Variants in RAF1 observed in about 807,000 individuals in gnomAD.
The protein encoded by RAF1 is Raf-1 proto-oncogene, serine/threonine kinase, also known as RAF proto-oncogene serine/threonine-protein kinase.
RAF1 carries 27 observed loss-of-function variants against 81.1 expected under a neutral mutation model. That is an observed-to-expected ratio of 0.33 (90% confidence interval 0.25 to 0.46). The LOEUF is 0.46. RAF1 is among the 20% of genes least tolerant of loss of function. The probability of loss-of-function intolerance (pLI) is 1.00; values close to 1 mark genes in which losing one functional copy is unlikely to be tolerated. For missense variants in RAF1, 598 were observed against 826.0 expected, an observed-to-expected ratio of 0.72 and a Z score of 3.38; for synonymous variants, 298 against 294.0, an observed-to-expected ratio of 1.01 and a Z score of -0.14.
intron 8 of RAF1, among the ~76,000 whole-genome samples, chr3:12,603,194 C>T (rs1184434586): frequency 2.0e-5 from 3 of 152,164 alleles, no homozygotes; most frequent in Non-Finnish European, 4.4e-5. Context: ...CTGCCTTAGC[C>T]TCTGGAGTAG....
At chr3:12,623,837 T>C (rs1182192847) in intron 1 of RAF1, among the ~76,000 whole-genome samples, 1 of 142,120 alleles carries the variant, frequency 7.0e-6, no homozygotes, top group Non-Finnish European at 1.5e-5. Flanking sequence ...GCTAAGTTAA[T>C]GTTTCCTAAC....
At chr3:12,598,930 T>G (rs12632253) in intron 11 of RAF1, among the ~76,000 whole-genome samples, 1 of 152,124 alleles carries the variant, frequency 6.6e-6, no homozygotes, top group Non-Finnish European at 1.5e-5. Context: ...TGCTTTATTG[T>G]AATCTGAATT....
At chr3:12,626,977 C>A (rs2059721290) in intron 1 of RAF1, among the ~76,000 whole-genome samples, 1 of 145,592 alleles carries the variant, frequency 6.9e-6, no homozygotes, top group African/African-American at 2.6e-5. Flanking sequence ...TCAGCCAAAA[C>A]TGTGCCATTG....
At chr3:12,594,055 G>A (rs1475361287) in intron 11 of RAF1, among the ~76,000 whole-genome samples, 4 of 152,216 alleles carry the variant, frequency 2.6e-5, no homozygotes, top group African/African-American at 9.6e-5. Flanking sequence ...AGGGGGATGA[G>A]AGAAACCTGA....
chr3:12,593,542 A>ATG (rs1452226759), intron 11 of RAF1, among the ~76,000 whole-genome samples: 6 of 152,122 alleles, frequency 3.9e-5, no homozygotes, highest in Non-Finnish European at 8.8e-5. Flanking sequence ...TAACCTGCAC[A>ATG]TGTGTTTGCC....
intron 1 of RAF1, among the ~76,000 whole-genome samples, chr3:12,653,572 C>T (rs1395299778): frequency 6.6e-6 from 1 of 152,068 alleles, no homozygotes; most frequent in Non-Finnish European, 1.5e-5. Context: ...TGATGAAACC[C>T]TGTCTCTACT....
chr3:12,591,136 G>C (rs1225276593), intron 12 of RAF1, among the ~76,000 whole-genome samples, 162 bp from the exon 12 acceptor site: 4 of 152,084 alleles, frequency 2.6e-5, no homozygotes, highest in Non-Finnish European at 5.9e-5. Context: ...GATAACCCGG[G>C]TGGCATTCTG....
At chr3:12,641,248 G>T (rs1450119466) in intron 1 of RAF1, among the ~76,000 whole-genome samples, 1 of 151,234 alleles carries the variant, frequency 6.6e-6, no homozygotes, top group Non-Finnish European at 1.5e-5. Flanking sequence ...AGCATTAGGA[G>T]ATACACCTAA....
intron 1 of RAF1, among the ~76,000 whole-genome samples, chr3:12,655,000 A>ACCCCCCCC (rs35380724): frequency 7.8e-6 from 1 of 128,118 alleles, no homozygotes; most frequent in African/African-American, 2.8e-5. Context: ...ACATAGTGAG[A>ACCCCCCCC]CCCCCCCCCC....
intron 1 of RAF1, among the ~76,000 whole-genome samples, chr3:12,651,009 G>A (rs2060506511): frequency 6.6e-6 from 1 of 152,134 alleles, no homozygotes; most frequent in South Asian, 2.1e-4. Context: ...CAGACAAGCA[G>A]GTAAAGAAAT....
intron 10 of RAF1, among the ~76,000 whole-genome samples, 162 bp from the exon 10 acceptor site, chr3:12,599,970 G>A (rs1300836123): frequency 9.2e-5 from 14 of 152,122 alleles, no homozygotes; most frequent in Non-Finnish European, 5.9e-5. Flanking sequence ...TACCATTTTA[G>A]TTATAGCACT....
chr3:12,624,230 A>G (rs2125472540), intron 1 of RAF1, among the ~76,000 whole-genome samples: 1 of 152,312 alleles, frequency 6.6e-6, no homozygotes, highest in East Asian at 1.9e-4. Context: ...TACGCAGACA[A>G]TGCTGCTTCA....
Position 12,596,007 on chromosome 3 carries a change from C to T in RAF1, c.1168+3684G>A, listed in dbSNP as rs975167342. ...CCTCCTGCCTCAGTTTCTCGAGTAGCGGGGACAACAGACACACAGCACCAT... is the reference window on the plus strand; with the variant it reads ...CCTCCTGCCTCAGTTTCTCGAGTAGTGGGGACAACAGACACACAGCACCAT... On this transcript the variant is annotated intron_variant, in intron 11 of 17. Transcript: ENST00000442415. Among the ~76,000 whole-genome samples the T allele has an allele frequency of 4.7e-5, 7 of 149,928 alleles. No homozygotes were observed. In the East Asian group the frequency reaches 6.0e-4, roughly 13 times the overall value.
chr3:12,597,871 A>C (rs2058733004), intron 11 of RAF1, among the ~76,000 whole-genome samples: 1 of 151,614 alleles, frequency 6.6e-6, no homozygotes, highest in Non-Finnish European at 1.5e-5. Context: ...GTAAGCCAAG[A>C]TTGTGCCACT....
chr3:12,656,164 TCTCTC>T lies in RAF1; in HGVS notation c.-27+7644_-27+7648del, dbSNP rs534035833. ...ATAATACTAGCCAGGGAAATCACAATCTCTCCTCTCAAAATCACACTATAATGCTG... is the reference window on the plus strand; with the variant it reads ...ATAATACTAGCCAGGGAAATCACAATCTCTCAAAATCACACTATAATGCTG... On this transcript the variant is annotated intron_variant, in intron 1 of 17. Coordinates refer to ENST00000442415, the MANE Select transcript of RAF1 (RefSeq NM_001354689.3). Among the ~76,000 whole-genome samples, 105 of 146,986 alleles carry T rather than the reference TCTCTC, an allele frequency of 7.1e-4. 1 individual carries two copies. Among genetic ancestry groups the T allele is most frequent in the Admixed American group, 5.3e-3 (75 of 14,186 alleles).
chr3:12,636,142 T>C (rs1230340514), intron 1 of RAF1, among the ~76,000 whole-genome samples: 2 of 150,928 alleles, frequency 1.3e-5, no homozygotes, highest in African/African-American at 4.9e-5. Flanking sequence ...AAAAATTAGC[T>C]GGGCATTGTG....
At chr3:12,613,470 A>C (rs2059281401) in intron 2 of RAF1, among the ~76,000 whole-genome samples, 1 of 145,468 alleles carries the variant, frequency 6.9e-6, no homozygotes, top group South Asian at 2.1e-4. Flanking sequence ...GCATATATCT[A>C]CCTATGTGGG....
At position 12,600,022 on chromosome 3, in the gene RAF1, A is replaced by G. The variant is rs1270618020; in HGVS notation, c.1050+130T>C. The G allele has an allele frequency of 3.5e-6, 5 of 1,445,630 alleles. No homozygotes were observed. The Admixed American group carries it at 6.8e-5, about 20-fold the overall frequency. The allele number at this position is 1,445,630 out of a possible 1,614,324, so 89.6% of individuals were successfully genotyped here. On this transcript the variant is annotated intron_variant, in intron 10 of 17. Transcript: ENST00000442415. ...CAAGTGTGCCAAAAATGACAGTAAC[A>G]TTTATAATCTCCTTCATTGAATGTA... is the stretch of plus-strand genomic sequence containing the variant.
intron 1 of RAF1, among the ~76,000 whole-genome samples, chr3:12,660,917 T>C (rs1286493972): frequency 6.6e-6 from 1 of 152,136 alleles, no homozygotes; most frequent in East Asian, 1.9e-4. Context: ...GAGGTCGCAG[T>C]GAGCCAAGAT....
Sources: allele counts gnomAD v4.1 joint callset (sites outside exome capture counted in the v4.1 genomes callset), GRCh38; gene constraint gnomAD v4.1.1; transcripts MANE v1.5; gene names NCBI Gene and HGNC (gene_info 2026-07-23, HGNC 2026-07-21).